ETS1: variants seen among roughly 807,000 people sequenced by gnomAD.
ETS1 encodes protein C-ets-1.
Under a neutral mutation model 58.6 loss-of-function variants are expected in ETS1, and 15 were observed. That is an observed-to-expected ratio of 0.26 (90% CI 0.17 to 0.39). The LOEUF (loss-of-function observed/expected upper bound fraction) is 0.39. Among genes scored for constraint, ETS1 ranks in the 10% least tolerant of loss-of-function variants. ETS1 has a pLI of 1.00. For missense variants in ETS1, 417 were observed against 610.5 expected, an observed-to-expected ratio of 0.68 and a Z score of 3.34; for synonymous variants, 214 against 218.2, an observed-to-expected ratio of 0.98 and a Z score of 0.17.
chr11:128,480,700 G>C lies in ETS1; in HGVS notation c.863-249C>G, dbSNP rs147528727. On this transcript the variant is annotated intron_variant, in intron 7 of 9. Transcript: ENST00000392668. ...GCCTGGTTTGAGAACTCCAAGTACA[G>C]AGATTCAGAGTCAAACGTTGCTCAC... 1.5e-4 allele frequency among the ~76,000 whole-genome samples: 23 copies of C among 152,278 alleles called. No individual in the cohort carries two copies. The East Asian group carries it at 3.9e-3, about 26-fold the overall frequency.
chr11:128,484,725 C>T, intron 7 of ETS1, 98 bp downstream of exon 7: 3 of 1,112,782 alleles, frequency 2.7e-6, no homozygotes, highest in Admixed American at 2.2e-5. Context: ...ATCTACAGGT[C>T]TAATAAATAA....
At chr11:128,489,529 C>T in intron 4 of ETS1, 39 bp from the exon 5 acceptor site, 1 of 1,530,346 alleles carries the variant, frequency 6.5e-7, no homozygotes, top group Non-Finnish European at 9.0e-7. Flanking sequence ...GCAGGTCGGG[C>T]TTTTAACTCC....
At chr11:128,519,132 T>C (rs539751651) in intron 3 of ETS1, among the ~76,000 whole-genome samples, 1 of 152,372 alleles carries the variant, frequency 6.6e-6, no homozygotes, top group East Asian at 1.9e-4. Flanking sequence ...TATCCCACCT[T>C]ACTCTTACAC....
chr11:128,484,324 A>T (rs182737275), intron 7 of ETS1, among the ~76,000 whole-genome samples: 55 of 152,260 alleles, frequency 3.6e-4, no homozygotes, highest in Middle Eastern at 3.4e-3. Flanking sequence ...AAACCGAAAA[A>T]GTCACAGGAG....
At chr11:128,493,709 G>GA (rs963663098) in intron 3 of ETS1, among the ~76,000 whole-genome samples, 2 of 150,754 alleles carry the variant, frequency 1.3e-5, no homozygotes, top group East Asian at 1.9e-4. Context: ...AGTTTAAAAA[G>GA]AAAAAAAAAG....
intron 3 of ETS1, among the ~76,000 whole-genome samples, chr11:128,541,205 G>A (rs181343544): frequency 3.2e-4 from 48 of 152,296 alleles, no homozygotes; most frequent in African/African-American, 7.7e-4. Context: ...GCCAGGTTGC[G>A]TGATGTTCCT....
intron 2 of ETS1, among the ~76,000 whole-genome samples, chr11:128,557,311 C>A (rs1468749062): frequency 6.6e-6 from 1 of 152,108 alleles, no homozygotes; most frequent in Non-Finnish European, 1.5e-5. Context: ...GAGGCTCAGT[C>A]AGGGCAACAT....
At chr11:128,585,348 C>G (rs67781441) in intron 1 of ETS1, among the ~76,000 whole-genome samples, 54,878 of 112,894 alleles carry the variant, frequency 0.49, 11,094 homozygotes, top group Non-Finnish European at 0.51. Context: ...AGGAAGGAAG[C>G]AAGGAAGGAA....
intron 1 of ETS1, among the ~76,000 whole-genome samples, chr11:128,579,187 G>T (rs1336599238): frequency 6.6e-6 from 1 of 152,182 alleles, no homozygotes; most frequent in Non-Finnish European, 1.5e-5. Flanking sequence ...GCACAATAAA[G>T]CTGTGGCAGA....
intron 3 of ETS1, among the ~76,000 whole-genome samples, chr11:128,552,758 G>A (rs1417515664): frequency 6.6e-6 from 1 of 152,164 alleles, no homozygotes; most frequent in Admixed American, 6.5e-5. Context: ...CTGGGTCTCT[G>A]ATGTCGGTTT....
chr11:128,583,203 A>G (rs908615083), intron 1 of ETS1, among the ~76,000 whole-genome samples: 7 of 152,178 alleles, frequency 4.6e-5, no homozygotes, highest in Admixed American at 4.6e-4. Context: ...AGTGATTATA[A>G]CAAGGTAGGT....
At chr11:128,564,731 T>C (rs547740309) in intron 2 of ETS1, among the ~76,000 whole-genome samples, 8 of 152,160 alleles carry the variant, frequency 5.3e-5, no homozygotes, top group Non-Finnish European at 8.8e-5. Flanking sequence ...TGCCCCTCGC[T>C]TAGCATGAAG....
At chr11:128,565,436 T>C (rs1214273004) in intron 2 of ETS1, among the ~76,000 whole-genome samples, 1 of 152,170 alleles carries the variant, frequency 6.6e-6, no homozygotes, top group African/African-American at 2.4e-5. Flanking sequence ...CAGTCTCAGG[T>C]ATTTTGTTAT....
intron 2 of ETS1, among the ~76,000 whole-genome samples, chr11:128,568,729 G>C (rs1209383619): frequency 6.6e-6 from 1 of 152,150 alleles, no homozygotes; most frequent in East Asian, 1.9e-4. Flanking sequence ...AACCACTGTG[G>C]CTCCCATGGT....
At chr11:128,584,992 AAGGAAGGAAGGAAAGAAAGGAAAGAAAG>A (rs1864954560) in intron 1 of ETS1, among the ~76,000 whole-genome samples, 2 of 46,530 alleles carry the variant, frequency 4.3e-5, no homozygotes, top group Non-Finnish European at 7.8e-5. Flanking sequence ...GAAAGAAAGG[AAGGAAGGAAGGAAAGAAAGGAAAGAAAG>A]AAGAAAGAAA....
chr11:128,495,760 T>C (rs1862922289), intron 3 of ETS1, among the ~76,000 whole-genome samples: 1 of 152,232 alleles, frequency 6.6e-6, no homozygotes, highest in Non-Finnish European at 1.5e-5. Flanking sequence ...TGATAACTTG[T>C]TGATCAAAAT....
chr11:128,569,732 G>A (rs964689790), intron 2 of ETS1, among the ~76,000 whole-genome samples: 3 of 152,196 alleles, frequency 2.0e-5, no homozygotes, highest in Admixed American at 6.5e-5. Context: ...TAGAGAAAGA[G>A]TATGTGAAAA....
In ETS1 at chr11:128,480,439, C is replaced by T. The variant is rs373069461; in HGVS notation, c.875G>A (p.Gly292Asp). 3.1e-6 allele frequency: 5 copies of T among 1,611,916 alleles called. No homozygotes were observed. Among genetic ancestry groups the T allele is most frequent in the Admixed American group, 1.7e-5 (1 of 59,952 alleles). Residue 292 changes from glycine to aspartate, a missense_variant, in exon 8 of 10, where the codon GGC becomes GAC. Physicochemically the swap from Gly to Asp is moderately conservative, Grantham distance 94. Around this residue, in one of 4 missense-constraint regions of ETS1, gnomAD observed 139 missense variants for 152.1 expected, o/e 0.91. Transcript: ENST00000392668. ...MGRTSRGKLG[G>D]QDSFESIESY... Reference sequence around the variant, plus strand: ...CTCTATGCTTTCAAAAGAGTCCTGGCCCCCGAGTTTACCTGGAGGTAAAGG... The same window carrying T: ...CTCTATGCTTTCAAAAGAGTCCTGGTCCCCGAGTTTACCTGGAGGTAAAGG...
intron 1 of ETS1, among the ~76,000 whole-genome samples, chr11:128,584,715 T>A (rs1435656682): frequency 6.6e-6 from 1 of 152,114 alleles, no homozygotes; most frequent in Non-Finnish European, 1.5e-5. Context: ...AAGTAAGTTA[T>A]GTCTTCACAT....
Sources: allele counts gnomAD v4.1 joint callset (sites outside exome capture counted in the v4.1 genomes callset), GRCh38; gene constraint gnomAD v4.1.1; regional missense constraint gnomAD v4.1.1; transcripts MANE v1.5; gene names NCBI Gene and HGNC (gene_info 2026-07-23, HGNC 2026-07-21).